Variants in DUS3L observed in about 807,000 individuals in gnomAD.
The protein encoded by DUS3L is tRNA-dihydrouridine(47) synthase [NAD(P)(+)]-like.
DUS3L carries 62 observed loss-of-function variants against 74.6 expected under a neutral mutation model. That is an observed-to-expected ratio of 0.83 (90% CI 0.68 to 1.03). DUS3L has a LOEUF of 1.03. Among genes scored for constraint, DUS3L ranks in the 50% least tolerant of loss-of-function variants. The pLI is 0.00. For synonymous variants in DUS3L, 433 were observed against 395.7 expected (o/e 1.09, Z -1.12); for missense variants, 884 against 924.4 (o/e 0.96, Z 0.57).
At chr19:5,785,815 G>A in intron 10 of DUS3L, 24 bp from the exon 11 acceptor site, 1 of 1,551,674 alleles carries the variant, frequency 6.4e-7, no homozygotes, top group Non-Finnish European at 8.7e-7. Flanking sequence ...GACGATCAGT[G>A]GGCCCAGCCA....
In DUS3L at chr19:5,790,121, C is replaced by A; in HGVS notation, c.313G>T (p.Gly105Ter). 1 of 1,614,150 alleles carries A rather than the reference C, an allele frequency of 6.2e-7. No individual in the cohort carries two copies. Among genetic ancestry groups the A allele is most frequent in the Non-Finnish European group, 8.5e-7 (1 of 1,180,026 alleles). Residue 105 changes from glycine (G) to a stop codon, truncating the protein, a stop_gained, in exon 2 of 13, where the codon GGA becomes TGA. Transcript: ENST00000309061. LOFTEE classifies it high-confidence loss of function. Reference sequence around the variant, plus strand: ...ACATGGGGCCGGCCCTTGTTTTGTCCCCGGGCCCTCTTCTGAGTCTGTAGC... The same window carrying A: ...ACATGGGGCCGGCCCTTGTTTTGTCACCGGGCCCTCTTCTGAGTCTGTAGC... ...EQLQTQKRAR[G>*]QNKGRPHVKP...
intron 8 of DUS3L, 41 bp downstream of exon 8, chr19:5,787,020 C>G: frequency 2.7e-6 from 4 of 1,503,734 alleles, no homozygotes; most frequent in Non-Finnish European, 3.5e-6. Context: ...GACGCGGGGT[C>G]GACCGCGAGG....
At chr19:5,787,524 C>A in intron 6 of DUS3L, 65 bp downstream of exon 6, 1 of 1,572,058 alleles carries the variant, frequency 6.4e-7, no homozygotes, top group Admixed American at 1.7e-5. Flanking sequence ...ACCGAGACAT[C>A]GCCGGCTGGG....
Position 5,788,977 on chromosome 19 carries a change from G to A in DUS3L, c.900+230C>T, listed in dbSNP as rs181063418. Among the ~76,000 whole-genome samples the A allele has an allele frequency of 3.9e-3, 596 of 152,212 alleles. 4 individuals are homozygous for A. The highest frequency in any genetic ancestry group is 6.6e-3 in the Non-Finnish European group (450 of 68,002). On this transcript the variant is annotated intron_variant, in intron 3 of 12. Coordinates refer to ENST00000309061, the MANE Select transcript of DUS3L (RefSeq NM_020175.3). ...CTGCCTCAGCCTCCCAAAGTGCTGG[G>A]ATTACAGGCGTGAGCCACCGCCCCC...
chr19:5,788,294 GC>G lies in DUS3L; in HGVS notation c.942+62del, dbSNP rs2056874942. The G allele has an allele frequency of 2.5e-6, 4 of 1,611,808 alleles. No homozygotes were observed. The East Asian group carries it at 6.7e-5, about 27-fold the overall frequency. ...TCCAGTAGGTGGGGACAGACACTAA[GC>G]CCTGTTGGAATGACCACACTGCCAC... On this transcript the variant is annotated intron_variant, in intron 4 of 12. Coordinates refer to ENST00000309061, the MANE Select transcript of DUS3L (RefSeq NM_020175.3).
At chr19:5,788,459 G>A (rs1287417326) in intron 3 of DUS3L, 61 bp from the exon 4 acceptor site, 3 of 1,566,384 alleles carry the variant, frequency 1.9e-6, no homozygotes, top group African/African-American at 1.4e-5. Flanking sequence ...CTGAGGCCCT[G>A]GAGCCTCCCT....
intron 10 of DUS3L, 120 bp downstream of exon 10, chr19:5,786,347 C>T (rs2056841723): frequency 2.1e-6 from 2 of 945,114 alleles, no homozygotes; most frequent in African/African-American, 3.3e-5. Flanking sequence ...ACATCGCTCT[C>T]TGCTCCTCCC....
At chr19:5,790,851 A>G (rs2056903300) in intron 1 of DUS3L, 193 bp downstream of exon 1, 1 of 618,754 alleles carries the variant, frequency 1.6e-6, no homozygotes, top group East Asian at 2.8e-5. Context: ...TCCTTCGCGC[A>G]TGTGACAGGC....
chr19:5,787,018 G>A, intron 8 of DUS3L, 43 bp downstream of exon 8: 1 of 1,504,272 alleles, frequency 6.6e-7, no homozygotes, highest in Non-Finnish European at 8.9e-7. Context: ...GGGACGCGGG[G>A]TCGACCGCGA....
intron 9 of DUS3L, 68 bp downstream of exon 9, chr19:5,786,681 G>T (rs542105916): frequency 5.1e-6 from 8 of 1,579,410 alleles, no homozygotes; most frequent in Non-Finnish European, 6.9e-6. Flanking sequence ...GTGGGAAGGC[G>T]AACAGCCCAG....
At position 5,789,557 on chromosome 19, in the gene DUS3L, G is replaced by C; in HGVS notation, c.550C>G (p.Leu184Val). The C allele has an allele frequency of 6.3e-7, 1 of 1,599,150 alleles. No homozygotes were observed. Among genetic ancestry groups the C allele is most frequent in the South Asian group, 1.1e-5 (1 of 89,042 alleles). Reference protein sequence around the residue: ...GVTCRFAGAHLRPEGQNLVQE... With the variant: ...GVTCRFAGAHVRPEGQNLVQE... ...ACCAGGTTCTGTCCCTCGGGCCTCA[G>C]GTGGGCCCCAGCGAAGCGGCAGGTC... The change falls in exon 3 of 13, where the codon CTG (leucine) becomes GTG (valine). Residue 184 changes from leucine to valine, a missense_variant. Leu to Val is a conservative substitution (Grantham distance 32, BLOSUM62 1). Coordinates refer to ENST00000309061, the MANE Select transcript of DUS3L (RefSeq NM_020175.3).
intron 3 of DUS3L, 92 bp from the exon 4 acceptor site, chr19:5,788,490 C>A: frequency 6.9e-7 from 1 of 1,454,414 alleles, no homozygotes; most frequent in Non-Finnish European, 9.4e-7. Context: ...GTCTAGGACA[C>A]ACTTGGCCCA....
In DUS3L at chr19:5,789,209, GCTT is replaced by G. The variant is rs1009106098; in HGVS notation, c.895_897del (p.Lys299del). ...CTGACGTTGTCCTCAACACGTACCC[GCTT>G]CTTCTCACAGGGCCGCAGCCTGACC... On this transcript the variant is annotated inframe_deletion, in exon 3 of 13. Coordinates refer to ENST00000309061, the MANE Select transcript of DUS3L (RefSeq NM_020175.3). 16 of 1,531,300 alleles carry G rather than the reference GCTT, an allele frequency of 1.0e-5. No homozygotes were observed. The highest frequency in any genetic ancestry group is 1.4e-5 in the Non-Finnish European group (16 of 1,142,534). 94.9% of individuals were successfully genotyped at this position (1,531,300 alleles called of 1,614,324 possible).
chr19:5,787,315 A>G lies in DUS3L; in HGVS notation c.1259T>C (p.Ile420Thr). Residue 420 changes from isoleucine to threonine, a missense_variant, in exon 7 of 13, where the codon ATC (isoleucine) becomes ACC (threonine). Physicochemically the swap from Ile to Thr is moderately conservative, Grantham distance 89 (BLOSUM62 -1). Coordinates refer to ENST00000309061, the MANE Select transcript of DUS3L (RefSeq NM_020175.3). ...LMNRSTKFQQ[I>T]VRGMNQVLDV... ...CCGTACCTGGTTCATGCCACGGACG[A>G]TCTGCTGGAACTTGGTGGAGCGATT... 9.0e-7 allele frequency: 1 copy of G among 1,105,160 alleles called. No individual in the cohort carries two copies. Among genetic ancestry groups the G allele is most frequent in the South Asian group, 1.6e-5 (1 of 60,952 alleles). 68.5% of individuals were successfully genotyped at this position (1,105,160 alleles called of 1,614,324 possible).
chr19:5,787,608 A>G lies in DUS3L; in HGVS notation c.1193T>C (p.Ile398Thr). Residue 398 changes from isoleucine to threonine, a missense_variant, in exon 6 of 13, where the codon ATC becomes ACC. Ile to Thr is a moderately conservative substitution (Grantham distance 89). Transcript: ENST00000309061. ...DFVDINVGCP[I>T]DLVYKKGGGC... ...CGCTACCTTCTTGTACACGAGGTCGATGGGGCAGCCGACGTTGATGTCCAC... is the reference window on the plus strand; with the variant it reads ...CGCTACCTTCTTGTACACGAGGTCGGTGGGGCAGCCGACGTTGATGTCCAC... 6.2e-7 allele frequency: 1 copy of G among 1,613,482 alleles called. No individual in the cohort carries two copies.
chr19:5,789,460 T>A lies in DUS3L; in HGVS notation c.647A>T (p.Gln216Leu), dbSNP rs1428189738. 6.2e-7 allele frequency: 1 copy of A among 1,602,578 alleles called. No homozygotes were observed. Among genetic ancestry groups the A allele is most frequent in the East Asian group, 2.2e-5 (1 of 44,790 alleles). Reference protein sequence around the residue: ...IRNGLDKALQQQLRKREVRFE... With the variant: ...IRNGLDKALQLQLRKREVRFE... ...GCGGACCTCGCGCTTCCGCAGCTGC[T>A]GCTGCAGGGCTTTGTCCAGGCCGTT... The change falls in exon 3 of 13, where the codon CAG (glutamine) becomes CTG (leucine). Residue 216 changes from glutamine (Q) to leucine (L), a missense_variant. Transcript: ENST00000309061.
chr19:5,787,045 G>GCGTC lies in DUS3L; in HGVS notation c.1389+12_1389+15dup. 6.5e-7 allele frequency: 1 copy of GCGTC among 1,527,186 alleles called. No individual in the cohort carries two copies. The highest frequency in any genetic ancestry group is 1.2e-5 in the South Asian group (1 of 83,038). The allele number at this position is 1,527,186 out of a possible 1,614,324, so 94.6% of individuals were successfully genotyped here. ...CGACCGCGAGGCCCCAATGCCCGAG[G>GCGTC]CGTCCCAAGACCCACCGTGACGAGT... On this transcript the variant is annotated intron_variant, in intron 8 of 12. Transcript: ENST00000309061.
chr19:5,788,210 T>TGCACGC (rs1555731200), intron 4 of DUS3L, 34 bp from the exon 5 acceptor site: 1 of 1,611,938 alleles, frequency 6.2e-7, no homozygotes, highest in Non-Finnish European at 8.5e-7. Flanking sequence ...CACATGCTCT[T>TGCACGC]GCACGCGCAC....
At chr19:5,789,980 C>T in intron 2 of DUS3L, 67 bp downstream of exon 2, 3 of 1,589,132 alleles carry the variant, frequency 1.9e-6, no homozygotes, top group East Asian at 2.3e-5. Context: ...CTAACAATTA[C>T]CCGCTGCCAG....
Sources: allele counts gnomAD v4.1 joint callset (sites outside exome capture counted in the v4.1 genomes callset), GRCh38; gene constraint gnomAD v4.1.1; transcripts MANE v1.5; gene names NCBI Gene and HGNC (gene_info 2026-07-23, HGNC 2026-07-21).